The following SYT16 variants were observed in gnomAD, a reference collection of about 807,000 sequenced individuals.
The protein encoded by SYT16 is synaptotagmin-16.
Under a neutral mutation model 61.4 loss-of-function variants are expected in SYT16, and 42 were observed. The ratio of observed to expected loss-of-function variants is 0.68; its 90% CI spans 0.53 to 0.89. SYT16 has a LOEUF of 0.89. SYT16 is among the 40% of genes least tolerant of loss of function. The probability of loss-of-function intolerance (pLI) is 0.00; values close to 1 mark genes in which losing one functional copy is unlikely to be tolerated. For synonymous variants in SYT16, 314 were observed against 302.3 expected (o/e 1.04, Z -0.40); for missense variants, 804 against 807.3 (o/e 1.00, Z 0.05).
chr14:61,875,936 T>C (rs1027568268), intron 1 of SYT16, among the ~76,000 whole-genome samples: 2 of 152,220 alleles, frequency 1.3e-5, no homozygotes, highest in Non-Finnish European at 2.9e-5. Context: ...TTTGCAGTCA[T>C]TGTGGAAGGT....
chr14:62,041,062 C>T (rs766280187), intron 3 of SYT16, among the ~76,000 whole-genome samples: 1 of 152,066 alleles, frequency 6.6e-6, no homozygotes, highest in Non-Finnish European at 1.5e-5. Context: ...ACTTGGAGTC[C>T]GATGTTTGAG....
intron 1 of SYT16, among the ~76,000 whole-genome samples, chr14:61,875,982 C>T (rs2140311076): frequency 6.6e-6 from 1 of 152,270 alleles, no homozygotes; most frequent in Admixed American, 6.5e-5. Context: ...ATTTCCCAAA[C>T]CCAGTTCTAA....
chr14:61,879,933 CT>C (rs2047637682), intron 1 of SYT16, among the ~76,000 whole-genome samples: 1 of 152,210 alleles, frequency 6.6e-6, no homozygotes, highest in African/African-American at 2.4e-5. Flanking sequence ...TTCTGGGCTC[CT>C]TTCCTATTCA....
chr14:61,925,825 G>T (rs1208244198), intron 1 of SYT16, among the ~76,000 whole-genome samples: 1 of 152,166 alleles, frequency 6.6e-6, no homozygotes, highest in Non-Finnish European at 1.5e-5. Context: ...TGTGTGTGGG[G>T]CCTACACACA....
chr14:61,993,250 C>T (rs1208483925), intron 2 of SYT16, among the ~76,000 whole-genome samples: 17 of 151,304 alleles, frequency 1.1e-4, no homozygotes, highest in Admixed American at 1.1e-3. Flanking sequence ...ACATCACACA[C>T]CGGGGCCTGT....
Position 61,996,469 on chromosome 14 carries a change from A to G in SYT16, c.450A>G (p.Gln150=), listed in dbSNP as rs551712196. 121 of 1,613,184 alleles carry G rather than the reference A, an allele frequency of 7.5e-5. No homozygotes were observed. The highest frequency in any genetic ancestry group is 1.0e-4 in the Non-Finnish European group (118 of 1,179,476). ...AGGAAGAGCATCACCTTGAAAAGCAAAGAAGTGGCCTTCAACATGGCTTTG... is the reference window on the plus strand; with the variant it reads ...AGGAAGAGCATCACCTTGAAAAGCAGAGAAGTGGCCTTCAACATGGCTTTG... ...IAEEEHHLEK[Q]RSGLQHGFDS... The change falls in exon 3 of 8, where the codon CAA becomes CAG. Residue 150 remains glutamine, a synonymous_variant. Transcript: ENST00000683842.
At chr14:62,035,680 A>G (rs1222224608) in intron 3 of SYT16, among the ~76,000 whole-genome samples, 1 of 152,214 alleles carries the variant, frequency 6.6e-6, no homozygotes, top group Non-Finnish European at 1.5e-5. Flanking sequence ...ACACTTTCCT[A>G]TAAAAGTTGG....
At chr14:61,817,261 A>T (rs1246395954) in intron 1 of SYT16, among the ~76,000 whole-genome samples, 1 of 151,738 alleles carries the variant, frequency 6.6e-6, no homozygotes, top group Non-Finnish European at 1.5e-5. Flanking sequence ...TACTAAAAAT[A>T]CAAAAAATTA....
chr14:61,981,803 G>A (rs1477636490), intron 2 of SYT16, among the ~76,000 whole-genome samples: 7 of 152,156 alleles, frequency 4.6e-5, no homozygotes, highest in Non-Finnish European at 8.8e-5. Context: ...TGGAATATGA[G>A]CAGCCCTGCT....
intron 1 of SYT16, among the ~76,000 whole-genome samples, chr14:61,886,879 T>G (rs567259962): frequency 4.6e-4 from 46 of 100,390 alleles, no homozygotes; most frequent in African/African-American, 1.6e-3. Context: ...TTTTTTTTTG[T>G]CTTTTTTTTT....
At chr14:61,897,506 A>C (rs2048366078) in intron 1 of SYT16, among the ~76,000 whole-genome samples, 1 of 152,150 alleles carries the variant, frequency 6.6e-6, no homozygotes, top group Admixed American at 6.5e-5. Flanking sequence ...TGCCACCTGC[A>C]TAACCTGATT....
intron 6 of SYT16, among the ~76,000 whole-genome samples, chr14:62,081,879 A>C (rs1477810423): frequency 6.6e-6 from 1 of 152,192 alleles, no homozygotes; most frequent in Non-Finnish European, 1.5e-5. Context: ...TTAACAGATC[A>C]GGGAGCTCTG....
intron 1 of SYT16, among the ~76,000 whole-genome samples, chr14:61,946,208 TA>T (rs576223244): frequency 1.3e-5 from 2 of 151,096 alleles, no homozygotes; most frequent in African/African-American, 4.9e-5. Flanking sequence ...TAAAGTACAA[TA>T]AAAAAAAGGA....
chr14:61,851,204 T>G (rs897661052), intron 1 of SYT16, among the ~76,000 whole-genome samples: 3 of 152,288 alleles, frequency 2.0e-5, no homozygotes, highest in Admixed American at 6.5e-5. Context: ...GATAGTGGCT[T>G]CCAAGTCCAC....
intron 1 of SYT16, among the ~76,000 whole-genome samples, chr14:61,913,488 C>T (rs574205637): frequency 6.6e-5 from 10 of 152,146 alleles, no homozygotes; most frequent in South Asian, 2.1e-4. Flanking sequence ...TCATGTAAGA[C>T]ATGAGGAGTA....
At chr14:61,855,267 T>A (rs2046739038) in intron 1 of SYT16, among the ~76,000 whole-genome samples, 1 of 152,210 alleles carries the variant, frequency 6.6e-6, no homozygotes, top group South Asian at 2.1e-4. Context: ...ATTGGTGGAT[T>A]AATTAGACTA....
At chr14:62,094,719 T>C (rs1383148029) in intron 7 of SYT16, among the ~76,000 whole-genome samples, 1 of 152,030 alleles carries the variant, frequency 6.6e-6, no homozygotes, top group Non-Finnish European at 1.5e-5. Context: ...TCAGAAGTTA[T>C]TATGGGATTT....
chr14:62,006,826 GT>G (rs1263459400), intron 3 of SYT16, among the ~76,000 whole-genome samples: 2 of 152,020 alleles, frequency 1.3e-5, no homozygotes, highest in African/African-American at 4.8e-5. Flanking sequence ...TTTTGAAGCT[GT>G]TTTTTAACCA....
At chr14:61,890,377 G>C (rs1239369502) in intron 1 of SYT16, among the ~76,000 whole-genome samples, 1 of 152,064 alleles carries the variant, frequency 6.6e-6, no homozygotes, top group Admixed American at 6.5e-5. Flanking sequence ...ACAGGTTAGT[G>C]AGAGGGACAA....
Sources: gnomAD v4.1 joint callset for allele counts (sites outside exome capture counted in the v4.1 genomes callset) on GRCh38, gnomAD v4.1.1 for gene constraint, MANE v1.5 for transcripts, NCBI Gene and HGNC (gene_info 2026-07-23, HGNC 2026-07-21) for gene names.